CADM2: variants seen among roughly 807,000 people sequenced by gnomAD.
CADM2 encodes immunoglobulin superfamily member 4D.
In CADM2, 12 loss-of-function variants were observed where a neutral mutation model predicts 49.8. The ratio of observed to expected loss-of-function variants is 0.24; its 90% CI spans 0.15 to 0.39. The LOEUF (loss-of-function observed/expected upper bound fraction) is 0.39, where lower values mean the gene tolerates loss of function less well. Among genes scored for constraint, CADM2 ranks in the 10% least tolerant of loss-of-function variants. The pLI is 1.00. For synonymous variants in CADM2, 214 were observed against 175.4 expected, an observed-to-expected ratio of 1.22 and a Z score of -1.74; for missense variants, 378 against 492.3, an observed-to-expected ratio of 0.77 and a Z score of 2.20.
intron 1 of CADM2, among the ~76,000 whole-genome samples, chr3:85,588,632 T>C (rs1184220472): frequency 6.6e-6 from 1 of 152,134 alleles, no homozygotes; most frequent in Non-Finnish European, 1.5e-5. Context: ...TCTTTAGCTC[T>C]GCTGTGTACT....
chr3:84,967,218 A>T (rs1200288345), intron 1 of CADM2, among the ~76,000 whole-genome samples: 4 of 152,114 alleles, frequency 2.6e-5, no homozygotes, highest in African/African-American at 9.6e-5. Flanking sequence ...TTGTAAGGAA[A>T]TATTTTTACC....
intron 1 of CADM2, among the ~76,000 whole-genome samples, chr3:85,456,029 CTT>C (rs1352529213): frequency 6.6e-6 from 1 of 152,142 alleles, no homozygotes; most frequent in Non-Finnish European, 1.5e-5. Flanking sequence ...TAGTGAAGAA[CTT>C]TGAGTCTGAG....
intron 8 of CADM2, among the ~76,000 whole-genome samples, chr3:85,985,291 G>A (rs1727955606): frequency 6.6e-6 from 1 of 151,880 alleles, no homozygotes; most frequent in African/African-American, 2.4e-5. Context: ...GCTCTCTGGA[G>A]CCTCTTTTAT....
intron 8 of CADM2, among the ~76,000 whole-genome samples, chr3:85,974,753 A>G (rs1726565955): frequency 6.6e-6 from 1 of 151,708 alleles, no homozygotes; most frequent in African/African-American, 2.4e-5. Context: ...ACTCACATGA[A>G]TAACTTTTGC....
At chr3:85,457,019 G>C (rs1217005864) in intron 1 of CADM2, among the ~76,000 whole-genome samples, 4 of 151,960 alleles carry the variant, frequency 2.6e-5, no homozygotes, top group African/African-American at 9.7e-5. Flanking sequence ...CTAGATACTT[G>C]ACAATTAAGA....
intron 1 of CADM2, among the ~76,000 whole-genome samples, chr3:85,561,611 CT>C (rs1023408946): frequency 6.6e-6 from 1 of 152,092 alleles, no homozygotes; most frequent in African/African-American, 2.4e-5. Context: ...ATATCTAAAG[CT>C]GCATATGAGT....
At chr3:85,561,713 T>G (rs1450117953) in intron 1 of CADM2, among the ~76,000 whole-genome samples, 1 of 152,186 alleles carries the variant, frequency 6.6e-6, no homozygotes, top group Non-Finnish European at 1.5e-5. Context: ...AAACATCTGT[T>G]CATATGTTCA....
intron 1 of CADM2, among the ~76,000 whole-genome samples, chr3:85,106,066 C>T (rs1420297992): frequency 6.6e-6 from 1 of 151,784 alleles, no homozygotes; most frequent in Non-Finnish European, 1.5e-5. Flanking sequence ...GCACATTGTG[C>T]ACATGTACCC....
intron 1 of CADM2, among the ~76,000 whole-genome samples, chr3:85,308,494 T>C (rs914392138): frequency 2.0e-5 from 3 of 151,990 alleles, no homozygotes; most frequent in African/African-American, 4.8e-5. Context: ...GCTATTGACT[T>C]GGCCATTCAA....
At chr3:86,041,148 C>T (rs745898221) in intron 8 of CADM2, among the ~76,000 whole-genome samples, 6 of 152,098 alleles carry the variant, frequency 3.9e-5, no homozygotes, top group Admixed American at 6.5e-5. Flanking sequence ...TAAAGACCGT[C>T]GAGGCTAAGA....
intron 1 of CADM2, among the ~76,000 whole-genome samples, chr3:85,581,912 TTTTG>T (rs1438443898): frequency 6.7e-5 from 2 of 29,878 alleles, no homozygotes; most frequent in East Asian, 0.024. Flanking sequence ...TTGAAGTGTT[TTTTG>T]TTTTGTTTTG....
chr3:85,121,683 C>A (rs1191709418), intron 1 of CADM2, among the ~76,000 whole-genome samples: 1 of 152,032 alleles, frequency 6.6e-6, no homozygotes, highest in Non-Finnish European at 1.5e-5. Context: ...TATTACCTAT[C>A]TTCATTCATC....
chr3:85,735,186 T>C (rs1025236638), intron 2 of CADM2, among the ~76,000 whole-genome samples: 33 of 152,096 alleles, frequency 2.2e-4, no homozygotes, highest in African/African-American at 8.0e-4. Context: ...AGTGGAAGAA[T>C]GAGTTAGGAA....
chr3:85,033,677 G>A (rs1319336064), intron 1 of CADM2, among the ~76,000 whole-genome samples: 1 of 152,082 alleles, frequency 6.6e-6, no homozygotes, highest in Admixed American at 6.6e-5. Context: ...GAAAAGCAAG[G>A]GAAAGAATGA....
intron 1 of CADM2, among the ~76,000 whole-genome samples, chr3:84,988,893 C>A (rs1219374887): frequency 2.0e-5 from 3 of 152,054 alleles, no homozygotes; most frequent in African/African-American, 7.2e-5. Flanking sequence ...ACTGTTGTAC[C>A]ACTAACATTT....
At chr3:85,093,288 A>C (rs1427048852) in intron 1 of CADM2, among the ~76,000 whole-genome samples, 3 of 152,096 alleles carry the variant, frequency 2.0e-5, no homozygotes, top group African/African-American at 4.8e-5. Context: ...TGGGAGGCCG[A>C]GGTGGGCAGA....
chr3:85,644,752 T>C (rs565575873), intron 1 of CADM2, among the ~76,000 whole-genome samples: 1 of 152,302 alleles, frequency 6.6e-6, no homozygotes, highest in South Asian at 2.1e-4. Context: ...TAACTCTGGC[T>C]CATTTCTAGA....
chr3:85,388,532 CGTAT>C (rs1255090855), intron 1 of CADM2, among the ~76,000 whole-genome samples: 2 of 151,984 alleles, frequency 1.3e-5, no homozygotes, highest in Non-Finnish European at 2.9e-5. Context: ...TATGAATGTA[CGTAT>C]GTATTTTATA....
intron 1 of CADM2, among the ~76,000 whole-genome samples, chr3:85,527,884 A>G (rs1236931079): frequency 6.6e-6 from 1 of 152,182 alleles, no homozygotes; most frequent in Non-Finnish European, 1.5e-5. Flanking sequence ...GTAGTATTTT[A>G]TGCTCTTTTA....
Sources: allele counts gnomAD v4.1 joint callset (sites outside exome capture counted in the v4.1 genomes callset), GRCh38; gene constraint gnomAD v4.1.1; transcripts MANE v1.5; gene names NCBI Gene and HGNC (gene_info 2026-07-23, HGNC 2026-07-21).